GRIP1: variants seen among roughly 807,000 people sequenced by gnomAD.
GRIP1 encodes glutamate receptor interacting protein 1, also known as glutamate receptor-interacting protein 1.
A neutral mutation model predicts 129.9 loss-of-function variants in GRIP1; 45 were observed. That is an observed-to-expected ratio of 0.35 (90% CI 0.27 to 0.44). GRIP1 has a LOEUF of 0.44. Ranked by LOEUF, GRIP1 falls within the 20% of genes least tolerant of loss-of-function variation. The probability of loss-of-function intolerance (pLI) is 1.00; values close to 1 mark genes in which losing one functional copy is unlikely to be tolerated. For synonymous variants in GRIP1, 530 were observed against 520.8 expected (o/e 1.02, Z -0.24); for missense variants, 1,196 against 1,396.8 (o/e 0.86, Z 2.29).
intron 1 of GRIP1, among the ~76,000 whole-genome samples, chr12:66,785,343 C>CATACATATAT (rs377630345): frequency 0.013 from 915 of 72,744 alleles, 11 homozygotes; most frequent in African/African-American, 0.019. Flanking sequence ...TACATACATA[C>CATACATATAT]ATATATATAT....
intron 16 of GRIP1, among the ~76,000 whole-genome samples, chr12:66,404,201 G>A (rs1373203216): frequency 1.6e-4 from 24 of 152,090 alleles, no homozygotes; most frequent in Admixed American, 1.6e-3. Context: ...TTAAACATTG[G>A]TTATAAAATA....
At chr12:66,740,939 G>A (rs891023050) in intron 1 of GRIP1, among the ~76,000 whole-genome samples, 1 of 152,050 alleles carries the variant, frequency 6.6e-6, no homozygotes, top group Non-Finnish European at 1.5e-5. Context: ...TATGTGATAT[G>A]GGCACATATG....
intron 1 of GRIP1, among the ~76,000 whole-genome samples, chr12:66,964,714 G>T (rs1218541575): frequency 1.3e-5 from 2 of 152,172 alleles, no homozygotes; most frequent in Non-Finnish European, 2.9e-5. Context: ...ATAGGTATTT[G>T]TATGAGTTTG....
chr12:66,867,936 A>G (rs2040233204), intron 1 of GRIP1, among the ~76,000 whole-genome samples: 1 of 152,174 alleles, frequency 6.6e-6, no homozygotes, highest in African/African-American at 2.4e-5. Context: ...TTGGTATTAA[A>G]CAACACTAAA....
At chr12:66,430,924 T>C (rs1025410334) in intron 14 of GRIP1, among the ~76,000 whole-genome samples, 27 of 152,232 alleles carry the variant, frequency 1.8e-4, no homozygotes, top group African/African-American at 5.8e-4. Flanking sequence ...ACACTCAGAA[T>C]GCATTTGTTG....
rs1485010925 is a variant in GRIP1, at chr12:66,938,675, C to T, written c.58+130375G>A. ...GTATCTTCCAGAGAAAGCAGAGTTT[C>T]AGGCCAGGCATAGTGGCTCATGCCT... is the stretch of plus-strand genomic sequence containing the variant. On this transcript the variant is annotated intron_variant, in intron 1 of 1. Transcript: ENST00000643019. 2.0e-5 allele frequency among the ~76,000 whole-genome samples: 3 copies of T among 151,576 alleles called. No homozygotes were observed. In the East Asian group the frequency reaches 5.9e-4, roughly 30 times the overall value.
At chr12:66,559,735 T>A (rs1357709060) in intron 2 of GRIP1, among the ~76,000 whole-genome samples, 2 of 152,162 alleles carry the variant, frequency 1.3e-5, no homozygotes, top group Admixed American at 1.3e-4. Context: ...ATTGTTACGA[T>A]GTCATACTAC....
chr12:66,916,804 G>C (rs1038284088), intron 1 of GRIP1, among the ~76,000 whole-genome samples: 1 of 151,984 alleles, frequency 6.6e-6, no homozygotes, highest in Admixed American at 6.6e-5. Flanking sequence ...CAAATTTCTT[G>C]TATTATACTC....
intron 1 of GRIP1, among the ~76,000 whole-genome samples, chr12:66,791,780 C>T (rs539736184): frequency 2.2e-4 from 33 of 152,216 alleles, no homozygotes; most frequent in African/African-American, 6.5e-4. Flanking sequence ...ACCTGTCACC[C>T]GAATAGTGTA....
At chr12:66,702,094 C>T (rs1385449404) in intron 1 of GRIP1, among the ~76,000 whole-genome samples, 1 of 152,114 alleles carries the variant, frequency 6.6e-6, no homozygotes, top group Non-Finnish European at 1.5e-5. Flanking sequence ...GAGTAAAAAT[C>T]CCTCCTGTAT....
chr12:66,987,714 A>G (rs1161637474), intron 1 of GRIP1, among the ~76,000 whole-genome samples: 1 of 152,220 alleles, frequency 6.6e-6, no homozygotes, highest in Non-Finnish European at 1.5e-5. Flanking sequence ...TAAGAGAGTC[A>G]TAAGGCCACA....
At chr12:66,868,606 T>C (rs777150329) in intron 1 of GRIP1, among the ~76,000 whole-genome samples, 1 of 151,766 alleles carries the variant, frequency 6.6e-6, no homozygotes, top group Non-Finnish European at 1.5e-5. Context: ...CTACAAAATA[T>C]AGTTGGGGTG....
At chr12:67,047,521 A>C (rs533133680) in intron 1 of GRIP1, among the ~76,000 whole-genome samples, 2 of 152,268 alleles carry the variant, frequency 1.3e-5, no homozygotes, top group South Asian at 2.1e-4. Flanking sequence ...AAATCTTTTA[A>C]AAAATCATTT....
At chr12:66,754,330 C>A (rs911953402) in intron 1 of GRIP1, among the ~76,000 whole-genome samples, 1 of 152,058 alleles carries the variant, frequency 6.6e-6, no homozygotes, top group South Asian at 2.1e-4. Context: ...GAAACAAAAC[C>A]CATACATTTC....
At chr12:66,775,293 G>A (rs1029469864) in intron 1 of GRIP1, among the ~76,000 whole-genome samples, 1 of 152,180 alleles carries the variant, frequency 6.6e-6, no homozygotes, top group African/African-American at 2.4e-5. Flanking sequence ...TCTATGTGCA[G>A]ATTAAAGTTG....
intron 2 of GRIP1, among the ~76,000 whole-genome samples, chr12:66,545,513 T>TA: frequency 6.6e-6 from 1 of 152,134 alleles, no homozygotes; most frequent in East Asian, 1.9e-4. Flanking sequence ...AGCCAAAAGG[T>TA]AAAATCCCTG....
At chr12:66,928,550 A>T (rs564786113) in intron 1 of GRIP1, among the ~76,000 whole-genome samples, 48 of 152,330 alleles carry the variant, frequency 3.2e-4, no homozygotes, top group African/African-American at 1.1e-3. Context: ...GGCTAACAAT[A>T]AATCATTCAA....
chr12:66,876,009 A>T (rs1212287052), intron 1 of GRIP1, among the ~76,000 whole-genome samples: 1 of 152,082 alleles, frequency 6.6e-6, no homozygotes, highest in African/African-American at 2.4e-5. Flanking sequence ...GTATAACTTC[A>T]TTTAAAGCCA....
intron 1 of GRIP1, among the ~76,000 whole-genome samples, chr12:66,856,143 T>C (rs1047985651): frequency 5.9e-5 from 9 of 152,072 alleles, no homozygotes; most frequent in Non-Finnish European, 8.8e-5. Flanking sequence ...ATTTAATAAA[T>C]GGTGCTGGGA....
Sources: allele counts gnomAD v4.1 joint callset (sites outside exome capture counted in the v4.1 genomes callset), GRCh38; gene constraint gnomAD v4.1.1; transcripts MANE v1.5; gene names NCBI Gene and HGNC (gene_info 2026-07-23, HGNC 2026-07-21).